Variants in MSI1 observed in about 807,000 individuals in gnomAD.
MSI1 encodes the protein musashi RNA binding protein 1.
A neutral mutation model predicts 54.4 loss-of-function variants in MSI1; 15 were observed. The observed-to-expected ratio is 0.28, with a 90% confidence interval of 0.18 to 0.42. The LOEUF is 0.42. MSI1 is among the 20% of genes least tolerant of loss of function. The pLI, the probability that MSI1 is intolerant of heterozygous loss-of-function variation, is 1.00. For synonymous variants in MSI1, 200 were observed against 196.5 expected, an observed-to-expected ratio of 1.02 and a Z score of -0.15; for missense variants, 304 against 506.0, an observed-to-expected ratio of 0.60 and a Z score of 3.83.
intron 11 of MSI1, among the ~76,000 whole-genome samples, chr12:120,348,462 C>T (rs1345187078): frequency 6.6e-6 from 1 of 152,200 alleles, no homozygotes; most frequent in Non-Finnish European, 1.5e-5. Context: ...CCTGAATACC[C>T]CCACTCAGGC....
intron 13 of MSI1, 87 bp from the exon 14 acceptor site, chr12:120,345,719 G>A (rs556007903): frequency 2.0e-6 from 3 of 1,533,440 alleles, no homozygotes; most frequent in East Asian, 4.5e-5. Flanking sequence ...CATCTGAAGT[G>A]AGGCGCTGAC....
intron 11 of MSI1, among the ~76,000 whole-genome samples, chr12:120,347,743 G>A (rs565966935): frequency 6.6e-6 from 1 of 152,294 alleles, no homozygotes; most frequent in African/African-American, 2.4e-5. Context: ...GTGAGTAGCT[G>A]AGCCTCAATT....
chr12:120,341,132 C>G (rs983779194), downstream of MSI1, among the ~76,000 whole-genome samples: 1 of 151,930 alleles, frequency 6.6e-6, no homozygotes, highest in Non-Finnish European at 1.5e-5. Flanking sequence ...TTGATCTGCC[C>G]ACCTCTGCCT....
rs376396207 is a variant in MSI1, at chr12:120,348,898, A to T, written c.791-1384T>A. Among the ~76,000 whole-genome samples the T allele has an allele frequency of 6.4e-4, 98 of 152,064 alleles. No individual in the cohort carries two copies. In the Middle Eastern group the frequency reaches 0.031, roughly 48 times the overall value. ...ACAAGAGCACAACTTCATCTCAAAA[A>T]AAATAAATAAATAAAATAAAATAAA... On this transcript the variant is annotated intron_variant, in intron 11 of 14. Coordinates refer to ENST00000257552, the MANE Select transcript of MSI1 (RefSeq NM_002442.4).
intron 5 of MSI1, 55 bp from the exon 6 acceptor site, chr12:120,363,190 C>T: frequency 6.7e-7 from 1 of 1,499,364 alleles, no homozygotes; most frequent in East Asian, 2.3e-5. Context: ...CCTACCGCCA[C>T]CAGCAGGGGC....
At position 120,346,197 on chromosome 12, in the gene MSI1, C is replaced by T. The variant is rs1196203379; in HGVS notation, c.985G>A (p.Val329Ile). 1.3e-6 allele frequency: 2 copies of T among 1,599,790 alleles called. No homozygotes were observed. Among genetic ancestry groups the T allele is most frequent in the Non-Finnish European group, 1.7e-6 (2 of 1,173,932 alleles). Residue 329 changes from valine (V) to isoleucine (I), a missense_variant, in exon 13 of 15, where the codon GTC becomes ATC. Physicochemically the swap from Val to Ile is conservative, Grantham distance 29. Coordinates refer to ENST00000257552, the MANE Select transcript of MSI1 (RefSeq NM_002442.4). ...CTGGCGGCGCTGATGTAACTGCTGA[C>T]CCCCGAGTCCTGGTTGGCCGCCCCG... ...LYGAANQDSG[V>I]SSYISAASPA...
Position 120,368,765 on chromosome 12 carries a change from C to G in MSI1, c.100+68G>C. On this transcript the variant is annotated intron_variant, in intron 2 of 14. Coordinates refer to ENST00000257552, the MANE Select transcript of MSI1 (RefSeq NM_002442.4). This position sits in a 1 kb window ranked among gnomAD's most constrained non-coding sequence, Gnocchi z 6.6. Reference sequence around the variant, plus strand: ...AGGGCGCAGGGCCGGGCTGGGGTGTCCGGGTCCGGGGCGCCGGGGGGTCCG... The same window carrying G: ...AGGGCGCAGGGCCGGGCTGGGGTGTGCGGGTCCGGGGCGCCGGGGGGTCCG... 7.6e-7 allele frequency: 1 copy of G among 1,318,098 alleles called. No homozygotes were observed. The highest frequency in any genetic ancestry group is 9.9e-7 in the Non-Finnish European group (1 of 1,014,794). 81.7% of individuals were successfully genotyped at this position (1,318,098 alleles called of 1,614,324 possible).
chr12:120,358,681 G>A (rs1450402786), intron 7 of MSI1, among the ~76,000 whole-genome samples: 5 of 151,942 alleles, frequency 3.3e-5, no homozygotes, highest in Non-Finnish European at 7.4e-5. Context: ...CCTGACCCTG[G>A]GCGGCCTGGC....
At chr12:120,344,558 A>T (rs887360918) in intron 14 of MSI1, among the ~76,000 whole-genome samples, 1 of 151,980 alleles carries the variant, frequency 6.6e-6, no homozygotes, top group Non-Finnish European at 1.5e-5. Context: ...TTTTTTAAAA[A>T]CTTAGCCAGG....
intron 4 of MSI1, among the ~76,000 whole-genome samples, chr12:120,366,378 C>T (rs1356764987): frequency 6.6e-6 from 1 of 152,176 alleles, no homozygotes; most frequent in African/African-American, 2.4e-5. Flanking sequence ...TGCCAAGTCC[C>T]ACTGGGCTCC....
Position 120,368,000 on chromosome 12 carries a change from C to A in MSI1, c.267+8G>T. On this transcript the variant is annotated splice_region_variant and intron_variant, in intron 4 of 14. Coordinates refer to ENST00000257552, the MANE Select transcript of MSI1 (RefSeq NM_002442.4). The stretch of plus-strand genomic sequence containing the variant: ...CAAAGGACCCCCGAAGCCCCGAGGG[C>A]CACTCACTGTTTTGGAGTCGAGCTC... 1 of 1,608,058 alleles carries A rather than the reference C, an allele frequency of 6.2e-7. No individual in the cohort carries two copies. The highest frequency in any genetic ancestry group is 8.5e-7 in the Non-Finnish European group (1 of 1,177,180).
rs758809527 is a variant in MSI1, at chr12:120,357,887, C to G, written c.463G>C (p.Val155Leu). Residue 155 changes from valine to leucine, a missense_variant, in exon 8 of 15, where the codon GTC (valine) becomes CTC (leucine). Physicochemically the swap from Val to Leu is conservative, Grantham distance 32. This residue lies in a region of MSI1 where 105 missense variants were observed against 230.1 expected (regional missense o/e 0.46). Transcript: ENST00000257552. Reference protein sequence around the residue: ...TTNRHRGFGFVTFESEDIVEK... With the variant: ...TTNRHRGFGFLTFESEDIVEK... ...ACGATGTCCTCACTCTCAAACGTGA[C>G]AAACCCGAACCCTAGAGGTTGGACA... 29 of 1,614,172 alleles carry G rather than the reference C, an allele frequency of 1.8e-5. No individual in the cohort carries two copies. The highest frequency in any genetic ancestry group is 2.5e-5 in the Non-Finnish European group (29 of 1,180,034).
At chr12:120,348,413 T>C (rs1307683454) in intron 11 of MSI1, among the ~76,000 whole-genome samples, 1 of 152,318 alleles carries the variant, frequency 6.6e-6, no homozygotes, top group South Asian at 2.1e-4. Context: ...TACAGTGGGC[T>C]CCTTCTCACT....
chr12:120,350,688 G>A (rs1205858441), intron 11 of MSI1, among the ~76,000 whole-genome samples: 1 of 152,200 alleles, frequency 6.6e-6, no homozygotes, highest in Non-Finnish European at 1.5e-5. Flanking sequence ...CTCCGCAGCT[G>A]AGCTGGCTGG....
rs192907736 is a variant in MSI1, at chr12:120,361,013, A to G, written c.403-1960T>C. Among the ~76,000 whole-genome samples, 3 of 152,246 alleles carry G rather than the reference A, an allele frequency of 2.0e-5. No individual in the cohort carries two copies. In the East Asian group the frequency reaches 5.8e-4, roughly 29 times the overall value. On this transcript the variant is annotated intron_variant, in intron 6 of 14. Transcript: ENST00000257552. ...CTCTTAACTCACAGACCCAGGATAT[A>G]GTAAGTGCCTAATAAATAATAGCTA...
At position 120,368,766 on chromosome 12, in the gene MSI1, C is replaced by A; in HGVS notation, c.100+67G>T. ...GGGCGCAGGGCCGGGCTGGGGTGTC[C>A]GGGTCCGGGGCGCCGGGGGGTCCGG... On this transcript the variant is annotated intron_variant, in intron 2 of 14. Coordinates refer to ENST00000257552, the MANE Select transcript of MSI1 (RefSeq NM_002442.4). This position sits in a 1 kb window ranked among gnomAD's most constrained non-coding sequence, Gnocchi z 6.6. 1 of 1,320,226 alleles carries A rather than the reference C, an allele frequency of 7.6e-7. No individual in the cohort carries two copies. The highest frequency in any genetic ancestry group is 1.8e-5 in the South Asian group (1 of 56,412). The allele number at this position is 1,320,226 out of a possible 1,614,324, so 81.8% of individuals were successfully genotyped here.
Position 120,347,468 on chromosome 12 carries a change from T to TGCCGCC in MSI1, c.831_836dup (p.Ala280_Ala281dup). On this transcript the variant is annotated inframe_insertion, in exon 12 of 15. Transcript: ENST00000257552. Reference sequence around the variant, plus strand: ...CACCTGTCCCTCGAACCACAGCCGCTGCCGCCGCTGCCGCCGCCATTGGTC... The same window carrying TGCCGCC: ...CACCTGTCCCTCGAACCACAGCCGCTGCCGCCGCCGCCGCTGCCGCCGCCATTGGTC... 6.2e-7 allele frequency: 1 copy of TGCCGCC among 1,613,950 alleles called. No individual in the cohort carries two copies. The highest frequency in any genetic ancestry group is 8.5e-7 in the Non-Finnish European group (1 of 1,179,960).
intron 7 of MSI1, among the ~76,000 whole-genome samples, chr12:120,358,209 AAG>A (rs1261761848): frequency 6.6e-6 from 1 of 152,230 alleles, no homozygotes; most frequent in Non-Finnish European, 1.5e-5. Context: ...GTGTTTTCCA[AAG>A]AGGGAAGAAG....
intron 4 of MSI1, among the ~76,000 whole-genome samples, chr12:120,365,819 C>T (rs1875981451): frequency 6.6e-6 from 1 of 152,184 alleles, no homozygotes; most frequent in Non-Finnish European, 1.5e-5. Flanking sequence ...GTAATGCACT[C>T]GAACTCTGTG....
Sources: allele counts gnomAD v4.1 joint callset (sites outside exome capture counted in the v4.1 genomes callset), GRCh38; gene constraint gnomAD v4.1.1; regional missense constraint gnomAD v4.1.1; non-coding constraint Gnocchi (gnomAD v3.1); transcripts MANE v1.5; gene names NCBI Gene and HGNC (gene_info 2026-07-23, HGNC 2026-07-21).